TMEM165: variants seen among roughly 807,000 people sequenced by gnomAD.
TMEM165 encodes the protein putative divalent cation/proton antiporter TMEM165.
TMEM165 carries 19 observed loss-of-function variants against 30.0 expected under a neutral mutation model. The observed-to-expected ratio is 0.63, with a 90% CI of 0.44 to 0.93. The LOEUF (loss-of-function observed/expected upper bound fraction) is 0.93, where lower values mean the gene tolerates loss of function less well. TMEM165 is among the 40% of genes least tolerant of loss of function. The pLI, the probability that TMEM165 is intolerant of heterozygous loss-of-function variation, is 0.00. For missense variants in TMEM165, 340 were observed against 417.0 expected, an observed-to-expected ratio of 0.82 and a Z score of 1.61; for synonymous variants, 168 against 162.9, an observed-to-expected ratio of 1.03 and a Z score of -0.24.
At chr4:55,443,927 C>G in intron 3 of TMEM165, 3 of 1,586,330 alleles carry the variant, frequency 1.9e-6, no homozygotes, top group Non-Finnish European at 2.6e-6. Flanking sequence ...TTAAAATGAG[C>G]TTTGTAGATT....
At chr4:55,443,543 AAT>A in intron 3 of TMEM165, 1 of 688,288 alleles carries the variant, frequency 1.5e-6, no homozygotes, top group African/African-American at 1.8e-5. Context: ...AAAATATTTT[AAT>A]AATCACTCTC....
In TMEM165 at chr4:55,396,369, G is replaced by T; in HGVS notation, c.180G>T (p.Val60=). The T allele has an allele frequency of 6.6e-7, 1 of 1,504,440 alleles. No individual in the cohort carries two copies. The highest frequency in any genetic ancestry group is 8.8e-7 in the Non-Finnish European group (1 of 1,131,946). The allele number at this position is 1,504,440 out of a possible 1,614,324, so 93.2% of individuals were successfully genotyped here. Reference sequence around the variant, plus strand: ...AGCTGCAGCCGCAGCCTGTGGCTGTGCAGGGCCCCGAGCCGGCCCGGGTCG... The same window carrying T: ...AGCTGCAGCCGCAGCCTGTGGCTGTTCAGGGCCCCGAGCCGGCCCGGGTCG... ...AQQLQPQPVA[V]QGPEPARVEK... Residue 60 remains valine (V), a synonymous_variant, in exon 1 of 6, where the codon GTG becomes GTT. Coordinates refer to ENST00000381334, the MANE Select transcript of TMEM165 (RefSeq NM_018475.5).
intron 3 of TMEM165, among the ~76,000 whole-genome samples, chr4:55,439,937 G>A (rs983180044): frequency 6.6e-6 from 1 of 152,032 alleles, no homozygotes; most frequent in Non-Finnish European, 1.5e-5. Context: ...GGTAACAATC[G>A]TACTCAGTGA....
chr4:55,417,196 T>C lies in TMEM165; in HGVS notation c.558T>C (p.Gly186=), dbSNP rs1019615512. 2.5e-6 allele frequency: 4 copies of C among 1,613,454 alleles called. No individual in the cohort carries two copies. In the Admixed American group the frequency reaches 5.0e-5, roughly 20 times the overall value. Reference sequence around the variant, plus strand: ...GCTTAAAGATGAGCCCTGATGAGGGTCAAGAGGAACTGGAAGAAGTTCAAG... The same window carrying C: ...GCTTAAAGATGAGCCCTGATGAGGGCCAAGAGGAACTGGAAGAAGTTCAAG... ...REGLKMSPDE[G]QEELEEVQAE... is the part of the protein sequence containing the mutation. The change falls in exon 3 of 6, where the codon GGT becomes GGC. Residue 186 remains glycine (G), a synonymous_variant. Transcript: ENST00000381334.
Position 55,417,058 on chromosome 4 carries a change from T to G in TMEM165, c.434-14T>G. On this transcript the variant is annotated splice_polypyrimidine_tract_variant and intron_variant, in intron 2 of 5. Coordinates refer to ENST00000381334, the MANE Select transcript of TMEM165 (RefSeq NM_018475.5). ...CACACTCGATTAACAAACATACTGT[T>G]GTATTTTTTCCAGTTTTGTTTGGCT... 1 of 1,584,976 alleles carries G rather than the reference T, an allele frequency of 6.3e-7. No individual in the cohort carries two copies. The highest frequency in any genetic ancestry group is 8.6e-7 in the Non-Finnish European group (1 of 1,167,772).
At chr4:55,432,323 C>T (rs868562606) in intron 3 of TMEM165, 32 of 152,022 alleles carry the variant, frequency 2.1e-4, no homozygotes, top group African/African-American at 7.7e-4. Context: ...TTAAACAATA[C>T]TGACTCTCCC....
At position 55,411,781 on chromosome 4, in the gene TMEM165, C is replaced by A. The variant is rs775489078; in HGVS notation, c.375C>A (p.Asn125Lys). Reference sequence around the variant, plus strand: ...CAGCCATCATGGCAATGCGCTATAACCGCCTGACCGTGCTGGCTGGTGCAA... The same window carrying A: ...CAGCCATCATGGCAATGCGCTATAAACGCCTGACCGTGCTGGCTGGTGCAA... Reference protein sequence around the residue: ...FIAAIMAMRYNRLTVLAGAML... With the variant: ...FIAAIMAMRYKRLTVLAGAML... The change falls in exon 2 of 6, where the codon AAC becomes AAA. Residue 125 changes from asparagine (N) to lysine (K), a missense_variant. Physicochemically the swap from Asn to Lys is moderately conservative, Grantham distance 94. Transcript: ENST00000381334. The A allele has an allele frequency of 1.2e-6, 2 of 1,614,188 alleles. No individual in the cohort carries two copies. The highest frequency in any genetic ancestry group is 1.7e-6 in the Non-Finnish European group (2 of 1,180,040).
chr4:55,445,578 T>C (rs982538193), intron 3 of TMEM165, among the ~76,000 whole-genome samples: 4 of 133,146 alleles, frequency 3.0e-5, no homozygotes, highest in African/African-American at 8.4e-5. Context: ...GCTATTTCTA[T>C]ATTCTTTTTT....
At chr4:55,440,050 C>G (rs1451665311) in intron 3 of TMEM165, among the ~76,000 whole-genome samples, 4 of 151,886 alleles carry the variant, frequency 2.6e-5, no homozygotes, top group African/African-American at 9.7e-5. Flanking sequence ...AAACCTTTTT[C>G]TTTTTATAAA....
chr4:55,426,834 T>G (rs890636327), downstream of TMEM165, among the ~76,000 whole-genome samples: 7 of 151,896 alleles, frequency 4.6e-5, no homozygotes, highest in African/African-American at 1.2e-4. Context: ...GTGGAGATCT[T>G]AAGAGGAGTT....
intron 3 of TMEM165, among the ~76,000 whole-genome samples, chr4:55,448,598 G>GCA (rs1560421264): frequency 3.1e-4 from 23 of 73,982 alleles, no homozygotes; most frequent in African/African-American, 1.5e-3. Context: ...GCGCGCACGC[G>GCA]CGCGTGTGTG....
At chr4:55,448,908 T>C (rs1368129118) in intron 3 of TMEM165, 1 of 1,415,106 alleles carries the variant, frequency 7.1e-7, no homozygotes, top group Non-Finnish European at 1.0e-6. Flanking sequence ...TGATTCTCAT[T>C]CCCATACATG....
chr4:55,420,232 C>T (rs1721918437), intron 4 of TMEM165, among the ~76,000 whole-genome samples: 1 of 148,738 alleles, frequency 6.7e-6, no homozygotes, highest in African/African-American at 2.5e-5. Flanking sequence ...AGTTGGGACT[C>T]AATAGTAAGT....
At chr4:55,450,188 G>C in intron 3 of TMEM165, 3 of 1,613,988 alleles carry the variant, frequency 1.9e-6, no homozygotes, top group Non-Finnish European at 2.5e-6. Context: ...ATGCTTCCTT[G>C]AGACTGACTG....
chr4:55,451,079 C>G (rs1025363138), intron 3 of TMEM165, among the ~76,000 whole-genome samples: 3 of 151,950 alleles, frequency 2.0e-5, no homozygotes, highest in East Asian at 3.9e-4. Flanking sequence ...AGCCCACTTT[C>G]CCTTCCTACC....
chr4:55,424,898 A>G (rs1440392414), intron 5 of TMEM165: 2 of 439,640 alleles, frequency 4.5e-6, no homozygotes, highest in Non-Finnish European at 4.0e-6. Flanking sequence ...TAGTAAAACA[A>G]TTGTCATTTG....
intron 1 of TMEM165, among the ~76,000 whole-genome samples, chr4:55,407,111 A>G (rs1456594595): frequency 6.6e-6 from 1 of 152,106 alleles, no homozygotes; most frequent in Non-Finnish European, 1.5e-5. Context: ...ATTCAGTTTT[A>G]TTGTAGTGGG....
chr4:55,451,490 G>A (rs1159867952), intron 3 of TMEM165, among the ~76,000 whole-genome samples: 1 of 152,092 alleles, frequency 6.6e-6, no homozygotes, highest in Admixed American at 6.6e-5. Flanking sequence ...CAAAATTCAT[G>A]ATTTTGAAAC....
chr4:55,427,616 A>AT (rs1722280774), downstream of TMEM165, among the ~76,000 whole-genome samples: 1 of 152,226 alleles, frequency 6.6e-6, no homozygotes, highest in Non-Finnish European at 1.5e-5. Context: ...AAGTGCTAGG[A>AT]TTACAGGCGT....
Sources: gnomAD v4.1 joint callset for allele counts (sites outside exome capture counted in the v4.1 genomes callset) on GRCh38, gnomAD v4.1.1 for gene constraint, MANE v1.5 for transcripts, NCBI Gene and HGNC (gene_info 2026-07-23, HGNC 2026-07-21) for gene names.